The following DNER variants were observed in gnomAD, a reference collection of about 807,000 sequenced individuals.
DNER encodes the protein delta and Notch-like epidermal growth factor-related receptor.
In DNER, 33 loss-of-function variants were observed where a neutral mutation model predicts 78.2. The ratio of observed to expected loss-of-function variants is 0.42; its 90% confidence interval spans 0.32 to 0.56. DNER has a LOEUF of 0.56. Among genes scored for constraint, DNER ranks in the 20% least tolerant of loss-of-function variants. The pLI is 0.11. For missense variants in DNER, 918 were observed against 975.3 expected, an observed-to-expected ratio of 0.94 and a Z score of 0.78; for synonymous variants, 417 against 384.8, an observed-to-expected ratio of 1.08 and a Z score of -0.98.
At position 229,610,440 on chromosome 2, in the gene DNER, C is replaced by T. The variant is rs530207551; in HGVS notation, c.277-18552G>A. Among the ~76,000 whole-genome samples, 16 of 152,304 alleles carry T rather than the reference C, an allele frequency of 1.1e-4. 1 individual carries two copies. The South Asian group carries it at 2.9e-3, about 28-fold the overall frequency. On this transcript the variant is annotated intron_variant, in intron 1 of 12. Coordinates refer to ENST00000341772, the MANE Select transcript of DNER (RefSeq NM_139072.4). ...CATTCAGATGGCCAGTTCTATCCAG[C>T]GGGGAGCCTGCAGCTGACGTTCATG...
At chr2:229,448,871 G>A (rs1694395319) in intron 7 of DNER, among the ~76,000 whole-genome samples, 1 of 152,058 alleles carries the variant, frequency 6.6e-6, no homozygotes, top group South Asian at 2.1e-4. Context: ...TTACATTTAA[G>A]TTTCTATTTA....
intron 6 of DNER, among the ~76,000 whole-genome samples, chr2:229,489,635 G>A (rs868149765): frequency 2.6e-5 from 4 of 151,936 alleles, no homozygotes; most frequent in African/African-American, 9.7e-5. Flanking sequence ...GCTAGAAGGG[G>A]TCTGGAAGCC....
chr2:229,419,135 A>G (rs969168443), intron 8 of DNER, among the ~76,000 whole-genome samples: 2 of 152,300 alleles, frequency 1.3e-5, no homozygotes, highest in Admixed American at 1.3e-4. Flanking sequence ...AAATTACTAA[A>G]GAAATAATCA....
intron 8 of DNER, among the ~76,000 whole-genome samples, chr2:229,435,303 C>T (rs1694099825): frequency 6.6e-6 from 1 of 152,172 alleles, no homozygotes; most frequent in African/African-American, 2.4e-5. Context: ...TCATCCAGGA[C>T]CCGGCAGTCC....
chr2:229,380,085 T>A (rs1359208169), intron 11 of DNER, among the ~76,000 whole-genome samples: 1 of 152,058 alleles, frequency 6.6e-6, no homozygotes, highest in Non-Finnish European at 1.5e-5. Context: ...CTAAATCATA[T>A]CCTCAGCCTC....
chr2:229,705,917 T>C lies in DNER; in HGVS notation c.276+8231A>G, dbSNP rs114860339. Among the ~76,000 whole-genome samples, 1,449 of 152,290 alleles carry C rather than the reference T, an allele frequency of 9.5e-3. 26 individuals carry two copies. The highest frequency in any genetic ancestry group is 0.033 in the African/African-American group (1,372 of 41,562). On this transcript the variant is annotated intron_variant, in intron 1 of 12. Transcript: ENST00000341772. Reference sequence around the variant, plus strand: ...TAGCATTTCTTTTCCCTGCCTCACATACTTCCCTGGAAATAAACTCTAACT... The same window carrying C: ...TAGCATTTCTTTTCCCTGCCTCACACACTTCCCTGGAAATAAACTCTAACT...
intron 6 of DNER, among the ~76,000 whole-genome samples, chr2:229,508,032 C>A (rs1272847506): frequency 4.6e-5 from 7 of 151,842 alleles, no homozygotes; most frequent in African/African-American, 1.7e-4. Flanking sequence ...GAAGAGTGTG[C>A]ACACACACAC....
At chr2:229,578,371 C>T (rs541708228) in intron 4 of DNER, among the ~76,000 whole-genome samples, 2 of 152,304 alleles carry the variant, frequency 1.3e-5, no homozygotes, top group South Asian at 4.1e-4. Flanking sequence ...TAGGGAGTGG[C>T]AGGATCTGGC....
rs186531413 is a variant in DNER, at chr2:229,395,137, T to G, written c.1724-6741A>C. Reference sequence around the variant, plus strand: ...TGCGTTACCTGATCTGTTTGGTTTTTGGGGGTGCCAGAGATTACTTTGTAC... The same window carrying G: ...TGCGTTACCTGATCTGTTTGGTTTTGGGGGGTGCCAGAGATTACTTTGTAC... On this transcript the variant is annotated intron_variant, in intron 10 of 12. Transcript: ENST00000341772. Among the ~76,000 whole-genome samples the G allele has an allele frequency of 7.9e-3, 1,209 of 152,290 alleles. 8 individuals carry two copies. Among genetic ancestry groups the G allele is most frequent in the Non-Finnish European group, 0.01 (686 of 68,022 alleles).
chr2:229,408,101 C>T (rs1167605222), intron 9 of DNER, among the ~76,000 whole-genome samples: 1 of 151,662 alleles, frequency 6.6e-6, no homozygotes, highest in East Asian at 1.9e-4. Flanking sequence ...AAAGAAGAGG[C>T]ATTTTTTAAA....
In DNER at chr2:229,714,066, C is replaced by G. The variant is rs569288494; in HGVS notation, c.276+82G>C. On this transcript the variant is annotated intron_variant, in intron 1 of 12. Coordinates refer to ENST00000341772, the MANE Select transcript of DNER (RefSeq NM_139072.4). ...AGCCTGTGTCAGGCGTGCCCATTGT[C>G]GGGCAGCAGCAGCAGGGCCGGCGGG... is the stretch of plus-strand genomic sequence containing the variant. 2.2e-3 allele frequency: 2,627 copies of G among 1,196,916 alleles called. 5 individuals carry two copies. Among genetic ancestry groups the G allele is most frequent in the Non-Finnish European group, 2.6e-3 (2,494 of 950,744 alleles). The allele number at this position is 1,196,916 out of a possible 1,614,324, so 74.1% of individuals were successfully genotyped here. A position where few individuals can be genotyped will look rare whatever the true frequency, so the allele number is the denominator to read the frequency against.
chr2:229,423,129 T>G (rs1693802040), intron 8 of DNER, among the ~76,000 whole-genome samples: 1 of 152,020 alleles, frequency 6.6e-6, no homozygotes, highest in Non-Finnish European at 1.5e-5. Flanking sequence ...CTACTGGAAT[T>G]TAGGAGGGTG....
intron 5 of DNER, among the ~76,000 whole-genome samples, chr2:229,540,457 G>T (rs189881989): frequency 6.6e-6 from 1 of 152,278 alleles, no homozygotes; most frequent in African/African-American, 2.4e-5. Flanking sequence ...TAAAAAGGAG[G>T]CACATGGTTT....
intron 4 of DNER, among the ~76,000 whole-genome samples, chr2:229,563,946 C>A (rs575820221): frequency 2.8e-5 from 4 of 144,558 alleles, no homozygotes; most frequent in Non-Finnish European, 4.5e-5. Flanking sequence ...ATCATCCTCA[C>A]CCCATCACCA....
At chr2:229,440,179 C>T (rs6752093) in intron 8 of DNER, among the ~76,000 whole-genome samples, 4,125 of 152,310 alleles carry the variant, frequency 0.027, 83 homozygotes, top group Middle Eastern at 0.061. Flanking sequence ...CCTTCCTCCC[C>T]TTGTATTAAT....
chr2:229,502,982 G>A (rs1192515511), intron 6 of DNER, among the ~76,000 whole-genome samples: 1 of 152,184 alleles, frequency 6.6e-6, no homozygotes, highest in Admixed American at 6.5e-5. Flanking sequence ...AAGGTAGAGA[G>A]TGCACTGGTA....
At position 229,714,524 on chromosome 2, in the gene DNER, C is replaced by G. The variant is rs1420719402; in HGVS notation, c.-101G>C. The G allele has an allele frequency of 1.2e-5, 13 of 1,049,432 alleles. No individual in the cohort carries two copies. Among genetic ancestry groups the G allele is most frequent in the Non-Finnish European group, 1.5e-5 (13 of 872,710 alleles). The allele number at this position is 1,049,432 out of a possible 1,614,324, so 65.0% of individuals were successfully genotyped here. A position where few individuals can be genotyped will look rare whatever the true frequency, so the allele number is the denominator to read the frequency against. On this transcript the variant is annotated 5_prime_UTR_variant, in exon 1 of 13. Coordinates refer to ENST00000341772, the MANE Select transcript of DNER (RefSeq NM_139072.4). The stretch of plus-strand genomic sequence containing the variant: ...GCGAGAGCGACGGTGGCGGCTAGGG[C>G]TGCTCCGCCGGGCCGGGCGCCTCCT...
intron 9 of DNER, 134 bp downstream of exon 9, chr2:229,417,974 A>ATCATG: frequency 6.9e-7 from 1 of 1,448,020 alleles, no homozygotes. Flanking sequence ...GGACCGATTA[A>ATCATG]TCATGCCAGC....
At chr2:229,538,144 A>G (rs1696446101) in intron 5 of DNER, among the ~76,000 whole-genome samples, 1 of 152,194 alleles carries the variant, frequency 6.6e-6, no homozygotes, top group African/African-American at 2.4e-5. Flanking sequence ...TTGTACTTTT[A>G]TTACTCATAA....
Sources: gnomAD v4.1 joint callset for allele counts (sites outside exome capture counted in the v4.1 genomes callset) on GRCh38, gnomAD v4.1.1 for gene constraint, MANE v1.5 for transcripts, NCBI Gene and HGNC (gene_info 2026-07-23, HGNC 2026-07-21) for gene names.